The following ANGPTL6 variants were observed in gnomAD, a reference collection of about 807,000 sequenced individuals.
ANGPTL6 encodes angiopoietin-related protein 6.
Under a neutral mutation model 47.4 loss-of-function variants are expected in ANGPTL6, and 45 were observed. That is an observed-to-expected ratio of 0.95 (90% CI 0.75 to 1.22). ANGPTL6 has a LOEUF of 1.22. Among genes scored for constraint, ANGPTL6 ranks in the 50% most tolerant of loss-of-function variants. ANGPTL6 has a pLI of 0.00. For synonymous variants in ANGPTL6, 290 were observed against 295.9 expected, an observed-to-expected ratio of 0.98 and a Z score of 0.20; for missense variants, 698 against 669.4, an observed-to-expected ratio of 1.04 and a Z score of -0.47.
intron 2 of ANGPTL6, among the ~76,000 whole-genome samples, chr19:10,095,584 G>C (rs1160095015): frequency 1.3e-5 from 2 of 152,120 alleles, no homozygotes; most frequent in Admixed American, 6.6e-5. Flanking sequence ...GTAACGTAGG[G>C]ACTGTCACAG....
intron 1 of ANGPTL6, among the ~76,000 whole-genome samples, chr19:10,102,132 A>G (rs992468001): frequency 2.0e-5 from 3 of 150,262 alleles, no homozygotes; most frequent in African/African-American, 4.9e-5. Context: ...AAAAAAAAAA[A>G]AAAAAAGAAA....
chr19:10,103,743 C>T (rs1267407139), upstream of ANGPTL6, among the ~76,000 whole-genome samples: 1 of 151,022 alleles, frequency 6.6e-6, no homozygotes, highest in Non-Finnish European at 1.5e-5. Context: ...AGTGAAAACC[C>T]TACCTCAGTT....
chr19:10,096,704 CCCCCCACGGCTGGAGGG>C, intron 1 of ANGPTL6, 131 bp from the exon 2 acceptor site: 1 of 681,546 alleles, frequency 1.5e-6, no homozygotes, highest in Non-Finnish European at 2.3e-6. Context: ...CCATCTCATT[CCCCCCACGGCTGGAGGG>C]CCCCAGGGTG....
Position 10,092,350 on chromosome 19 carries a change from G to T in ANGPTL6, c.*239C>A. The T allele has an allele frequency of 6.5e-7, 1 of 1,546,868 alleles. No individual in the cohort carries two copies. The highest frequency in any genetic ancestry group is 1.2e-5 in the South Asian group (1 of 84,090). On this transcript the variant is annotated 3_prime_UTR_variant, in exon 6 of 6. Coordinates refer to ENST00000253109, the MANE Select transcript of ANGPTL6 (RefSeq NM_031917.3). ...ACCAGACACGGTCTGTGGCTACTTT[G>T]TGTTATTATAAGATATGAGCTCAAA...
chr19:10,096,048 G>C lies in ANGPTL6; in HGVS notation c.516C>G (p.Thr172=), dbSNP rs755819392. The C allele has an allele frequency of 2.6e-5, 38 of 1,459,262 alleles. No individual in the cohort carries two copies. The Middle Eastern group carries it at 5.4e-4, about 21-fold the overall frequency. 90.4% of individuals were successfully genotyped at this position (1,459,262 alleles called of 1,614,324 possible). A position where few individuals can be genotyped will look rare whatever the true frequency, so the allele number is the denominator to read the frequency against. The change falls in exon 2 of 6, where the codon ACC becomes ACG. Residue 172 remains threonine, a synonymous_variant. Coordinates refer to ENST00000253109, the MANE Select transcript of ANGPTL6 (RefSeq NM_031917.3). The part of the protein sequence containing the change: ...VKFRELAQLV[T]QQSSLIARLE... ...GGCGGGCGATGAGACTGCTCTGCTG[G>C]GTGACGAGCTGCGCCAGCTCGCGGA...
intron 2 of ANGPTL6, 130 bp from the exon 3 acceptor site, chr19:10,095,068 C>T: frequency 1.0e-6 from 1 of 995,424 alleles, no homozygotes; most frequent in South Asian, 1.8e-5. Flanking sequence ...TGGGGGTGTC[C>T]CAGCCCTAGG....
At chr19:10,103,898 G>C (rs144572830), upstream of ANGPTL6, among the ~76,000 whole-genome samples, 8 of 151,122 alleles carry the variant, frequency 5.3e-5, no homozygotes, top group Admixed American at 2.0e-4. Flanking sequence ...TTCGAGACCA[G>C]CCTGGCCAAG....
chr19:10,096,320 G>A lies in ANGPTL6; in HGVS notation c.244C>T (p.Leu82=). Residue 82 remains leucine (L), a synonymous_variant, in exon 2 of 6, where the codon CTG becomes TTG. Coordinates refer to ENST00000253109, the MANE Select transcript of ANGPTL6 (RefSeq NM_031917.3). ...HEELLRELQR[L]AAADGAVAGE... is the part of the protein sequence containing the mutation. ...GCCACGGCGCCGTCGGCCGCCGCCA[G>A]CCTCTGCAGCTCGCGTAACAGCTCC... 2.4e-6 allele frequency: 3 copies of A among 1,270,480 alleles called. No individual in the cohort carries two copies. Among genetic ancestry groups the A allele is most frequent in the Non-Finnish European group, 3.0e-6 (3 of 1,011,938 alleles). The allele number at this position is 1,270,480 out of a possible 1,614,324, so 78.7% of individuals were successfully genotyped here.
intron 1 of ANGPTL6, among the ~76,000 whole-genome samples, chr19:10,099,036 G>A (rs1431422491): frequency 6.6e-6 from 1 of 151,932 alleles, no homozygotes; most frequent in African/African-American, 2.4e-5. Flanking sequence ...ATTCCTCCAC[G>A]TCTCCGCTAC....
chr19:10,097,386 GAAAA>G (rs376215894), intron 1 of ANGPTL6, among the ~76,000 whole-genome samples: 4,340 of 111,174 alleles, frequency 0.039, 137 homozygotes, highest in East Asian at 0.1. Flanking sequence ...TGTCTCAAAA[GAAAA>G]AAAAAAAAAA....
In ANGPTL6 at chr19:10,093,485, A is replaced by G. The variant is rs1369837858; in HGVS notation, c.1086T>C (p.Asp362=). The change falls in exon 5 of 6, where the codon GAT becomes GAC. Residue 362 remains aspartate, a synonymous_variant. Transcript: ENST00000253109. Reference sequence around the variant, plus strand: ...CGCTCTCGGGTTCCAGGGAGAAGCCATCATAGTGGGCACGTGCTCCACGGC... The same window carrying G: ...CGCTCTCGGGTTCCAGGGAGAAGCCGTCATAGTGGGCACGTGCTCCACGGC... ...WGGRGARAHY[D]GFSLEPESDH... is the part of the protein sequence containing the mutation. 1.9e-6 allele frequency: 3 copies of G among 1,614,092 alleles called. No individual in the cohort carries two copies. The South Asian group carries it at 3.3e-5, about 18-fold the overall frequency.
upstream of ANGPTL6, among the ~76,000 whole-genome samples, chr19:10,103,259 A>AAC (rs140405310): frequency 2.7e-5 from 4 of 150,868 alleles, no homozygotes; most frequent in Non-Finnish European, 5.9e-5. Context: ...AGTGGACACA[A>AAC]ACACACACAC....
intron 1 of ANGPTL6, among the ~76,000 whole-genome samples, chr19:10,097,073 CG>C (rs1350084406): frequency 6.6e-6 from 1 of 151,560 alleles, no homozygotes. Flanking sequence ...CACTCCAGCC[CG>C]GGCAACAAAG....
At position 10,092,510 on chromosome 19, in the gene ANGPTL6, CAAAG is replaced by C. The variant is rs1490361162; in HGVS notation, c.*75_*78del. ...TGTGGGACACATTGGCACTGAGCCA[CAAAG>C]AAGGTGTGGCCAGAACAACTTGGGC... On this transcript the variant is annotated 3_prime_UTR_variant, in exon 6 of 6. Coordinates refer to ENST00000253109, the MANE Select transcript of ANGPTL6 (RefSeq NM_031917.3). The C allele has an allele frequency of 6.5e-7, 1 of 1,532,394 alleles. No individual in the cohort carries two copies. Among genetic ancestry groups the C allele is most frequent in the African/African-American group, 1.4e-5 (1 of 72,506 alleles). The allele number at this position is 1,532,394 out of a possible 1,614,324, so 94.9% of individuals were successfully genotyped here.
chr19:10,095,049 A>G lies in ANGPTL6; in HGVS notation c.583-111T>C. The G allele has an allele frequency of 8.6e-6, 10 of 1,158,080 alleles. No individual in the cohort carries two copies. The South Asian group carries it at 1.7e-4, about 19-fold the overall frequency. The allele number at this position is 1,158,080 out of a possible 1,614,324, so 71.7% of individuals were successfully genotyped here. ...CTCCCAGCTCCCAAATGACCTGGAC[A>G]TCTGGCAGTGGGGGTGTCCCAGCCC... is the stretch of plus-strand genomic sequence containing the variant. On this transcript the variant is annotated intron_variant, in intron 2 of 5. Coordinates refer to ENST00000253109, the MANE Select transcript of ANGPTL6 (RefSeq NM_031917.3).
chr19:10,103,817 G>A (rs565769866), upstream of ANGPTL6, among the ~76,000 whole-genome samples: 70 of 151,208 alleles, frequency 4.6e-4, 1 homozygote, highest in African/African-American at 1.3e-3. Context: ...ATGTAAGGCT[G>A]GGCGCGGTGG....
rs2088489073 is a variant in ANGPTL6, at chr19:10,094,837, TCTCTGGGG to T, written c.676_683del (p.Pro226ArgfsTer41). ...GCTCCTGCTGTCTCTGGGTCTGGTC[TCTCTGGGG>T]CTCTGGGGCTGGGTCCAGCATCCTA... On this transcript the variant is annotated frameshift_variant, in exon 3 of 6. Transcript: ENST00000253109. LOFTEE classifies it high-confidence loss of function. 6 of 1,614,070 alleles carry T rather than the reference TCTCTGGGG, an allele frequency of 3.7e-6. No homozygotes were observed. The highest frequency in any genetic ancestry group is 5.1e-6 in the Non-Finnish European group (6 of 1,180,040).
chr19:10,096,730 T>TGG, intron 1 of ANGPTL6, 157 bp from the exon 2 acceptor site: 1 of 538,996 alleles, frequency 1.9e-6, no homozygotes, highest in Non-Finnish European at 3.1e-6. Flanking sequence ...GGCCCCAGGG[T>TGG]GATCCCACTC....
rs1189919289 is a variant in ANGPTL6, at chr19:10,096,447, C to T, written c.117G>A (p.Thr39=). Residue 39 remains threonine (T), a synonymous_variant, in exon 2 of 6, where the codon ACG becomes ACA. Transcript: ENST00000253109. The part of the protein sequence containing the change: ...YTFVLPPQKF[T]GAVCWSGPAS... ...CGGGGCCGCTCCAGCACACAGCGCC[C>T]GTGAACTTCTGCGGGGGCAGCACGA... 6 of 1,459,140 alleles carry T rather than the reference C, an allele frequency of 4.1e-6. No homozygotes were observed. In the East Asian group the frequency reaches 8.8e-5, roughly 22 times the overall value. The allele number at this position is 1,459,140 out of a possible 1,614,324, so 90.4% of individuals were successfully genotyped here.
Sources: allele counts gnomAD v4.1 joint callset (sites outside exome capture counted in the v4.1 genomes callset), GRCh38; gene constraint gnomAD v4.1.1; transcripts MANE v1.5; gene names NCBI Gene and HGNC (gene_info 2026-07-23, HGNC 2026-07-21).